The following DEUP1 variants were observed in gnomAD, a reference collection of about 807,000 sequenced individuals.
The protein encoded by DEUP1 is coiled-coil domain containing 67.
In DEUP1, 82 loss-of-function variants were observed where a neutral mutation model predicts 87.4. The observed-to-expected ratio is 0.94, with a 90% confidence interval of 0.78 to 1.13. The LOEUF (loss-of-function observed/expected upper bound fraction) is 1.13, where lower values mean the gene tolerates loss of function less well. Ranked by LOEUF, DEUP1 falls within the 50% of genes most tolerant of loss-of-function variation. The probability of loss-of-function intolerance (pLI) is 0.00; values close to 1 mark genes in which losing one functional copy is unlikely to be tolerated. For synonymous variants in DEUP1, 214 were observed against 222.7 expected (o/e 0.96, Z 0.35); for missense variants, 663 against 681.5 (o/e 0.97, Z 0.30).
intron 7 of DEUP1, among the ~76,000 whole-genome samples, chr11:93,371,645 C>T (rs369791728): frequency 1.3e-5 from 2 of 152,224 alleles, no homozygotes; most frequent in African/African-American, 2.4e-5. Context: ...TACAGGAAAT[C>T]GTGAAGGGTT....
chr11:93,414,463 C>T (rs538471852), intron 12 of DEUP1, among the ~76,000 whole-genome samples: 35 of 152,022 alleles, frequency 2.3e-4, no homozygotes, highest in Admixed American at 1.7e-3. Context: ...GCTGCGATCG[C>T]GCCACTGCAC....
At position 93,355,361 on chromosome 11, in the gene DEUP1, C is replaced by A. The variant is rs1379301741; in HGVS notation, c.30-10C>A. The A allele has an allele frequency of 6.2e-7, 1 of 1,610,976 alleles. No homozygotes were observed. Among genetic ancestry groups the A allele is most frequent in the South Asian group, 1.1e-5 (1 of 90,584 alleles). ...CTTTAAAATGTATTTTACTTTCCTA[C>A]AATTGCCAGAACTTCTCCTTGTGAG... On this transcript the variant is annotated splice_polypyrimidine_tract_variant and intron_variant, in intron 2 of 13. Coordinates refer to ENST00000298050, the MANE Select transcript of DEUP1 (RefSeq NM_181645.4).
intron 12 of DEUP1, among the ~76,000 whole-genome samples, chr11:93,409,630 A>G (rs1361642527): frequency 1.3e-5 from 2 of 152,214 alleles, no homozygotes; most frequent in South Asian, 4.1e-4. Context: ...CTTCATTGCA[A>G]CATTTGCTCA....
At chr11:93,407,795 A>C (rs201937636) in intron 11 of DEUP1, among the ~76,000 whole-genome samples, 2 of 151,910 alleles carry the variant, frequency 1.3e-5, no homozygotes, top group Non-Finnish European at 2.9e-5. Context: ...CTATGAACAC[A>C]AAAAAACTTG....
At chr11:93,362,502 C>T (rs1321507054) in intron 4 of DEUP1, among the ~76,000 whole-genome samples, 1 of 151,800 alleles carries the variant, frequency 6.6e-6, no homozygotes, top group Non-Finnish European at 1.5e-5. Context: ...ACCAAAACCA[C>T]AATATCCATT....
At chr11:93,370,466 A>C (rs1459158418) in intron 6 of DEUP1, among the ~76,000 whole-genome samples, 1 of 152,200 alleles carries the variant, frequency 6.6e-6, no homozygotes, top group African/African-American at 2.4e-5. Context: ...AGAATTTACG[A>C]TTGCTTGCTT....
intron 7 of DEUP1, among the ~76,000 whole-genome samples, chr11:93,382,472 G>C (rs1565322986): frequency 6.6e-6 from 1 of 152,018 alleles, no homozygotes; most frequent in Admixed American, 6.6e-5. Flanking sequence ...CTTTTTTCCT[G>C]TCAATGGTGT....
chr11:93,346,047 G>A (rs947961466), intron 2 of DEUP1, among the ~76,000 whole-genome samples: 2 of 151,786 alleles, frequency 1.3e-5, no homozygotes, highest in Non-Finnish European at 3.0e-5. Flanking sequence ...GTGTAAGGAA[G>A]GGATCCAGTT....
rs146950670 is a variant in DEUP1, at chr11:93,403,238, A to T, written c.1327-4993A>T. Among the ~76,000 whole-genome samples the T allele has an allele frequency of 2.0e-5, 3 of 152,052 alleles. No individual in the cohort carries two copies. In the East Asian group the frequency reaches 5.8e-4, roughly 29 times the overall value. On this transcript the variant is annotated intron_variant, in intron 11 of 13. Transcript: ENST00000298050. Reference sequence around the variant, plus strand: ...TATACTATATTTATAATATAAATTGAGAACTTTATGAGTTGTTTAGAATAG... The same window carrying T: ...TATACTATATTTATAATATAAATTGTGAACTTTATGAGTTGTTTAGAATAG...
intron 7 of DEUP1, among the ~76,000 whole-genome samples, chr11:93,374,480 T>C (rs1354488477): frequency 1.3e-5 from 2 of 152,222 alleles, no homozygotes; most frequent in African/African-American, 4.8e-5. Flanking sequence ...AGGATCCAGC[T>C]TCATTCTTCT....
chr11:93,412,517 T>G (rs1947466384), intron 12 of DEUP1, among the ~76,000 whole-genome samples: 1 of 152,194 alleles, frequency 6.6e-6, no homozygotes, highest in South Asian at 2.1e-4. Context: ...GTCTCTACAT[T>G]TTATTGATCT....
intron 5 of DEUP1, among the ~76,000 whole-genome samples, chr11:93,366,161 C>T (rs1000602418): frequency 4.0e-5 from 6 of 151,886 alleles, no homozygotes; most frequent in Non-Finnish European, 8.8e-5. Context: ...TTAAAATATA[C>T]CAACAAAAAA....
chr11:93,330,627 T>C (rs1159298825), upstream of DEUP1: 3 of 152,436 alleles, frequency 2.0e-5, no homozygotes, highest in African/African-American at 4.8e-5. Flanking sequence ...AACTGCCTCG[T>C]TGGTCGCGCG....
intron 7 of DEUP1, among the ~76,000 whole-genome samples, chr11:93,377,867 A>G (rs1946114068): frequency 1.3e-5 from 2 of 152,092 alleles, no homozygotes; most frequent in African/African-American, 4.8e-5. Context: ...TATGAAGCTT[A>G]GTTTCACTGG....
At chr11:93,401,785 T>A (rs570829516) in intron 11 of DEUP1, among the ~76,000 whole-genome samples, 1 of 152,110 alleles carries the variant, frequency 6.6e-6, no homozygotes, top group South Asian at 2.1e-4. Flanking sequence ...TAAATGGTGC[T>A]GGGAAAACTG....
At chr11:93,354,994 T>C (rs1445635983) in intron 2 of DEUP1, among the ~76,000 whole-genome samples, 1 of 152,186 alleles carries the variant, frequency 6.6e-6, no homozygotes, top group African/African-American at 2.4e-5. Flanking sequence ...CTTCTGTCCT[T>C]AACAGACAGG....
chr11:93,359,060 G>A (rs1392637209), intron 4 of DEUP1, among the ~76,000 whole-genome samples: 2 of 152,172 alleles, frequency 1.3e-5, no homozygotes, highest in African/African-American at 4.8e-5. Flanking sequence ...AAAAGAGAAG[G>A]AAGGAGGAAA....
In DEUP1 at chr11:93,362,831, G is replaced by A. The variant is rs572858841; in HGVS notation, c.298-1329G>A. Among the ~76,000 whole-genome samples, 6 of 151,944 alleles carry A rather than the reference G, an allele frequency of 3.9e-5. No homozygotes were observed. The South Asian group carries it at 1.2e-3, about 32-fold the overall frequency. On this transcript the variant is annotated intron_variant, in intron 4 of 13. Coordinates refer to ENST00000298050, the MANE Select transcript of DEUP1 (RefSeq NM_181645.4). Reference sequence around the variant, plus strand: ...CAGTTGATGAATGGATAAACAAAATGTAGTGTATTTATGCAATGGAATATT... The same window carrying A: ...CAGTTGATGAATGGATAAACAAAATATAGTGTATTTATGCAATGGAATATT...
At chr11:93,369,996 A>C (rs1461021135) in intron 5 of DEUP1, 77 bp from the exon 6 acceptor site, 2 of 715,766 alleles carry the variant, frequency 2.8e-6, no homozygotes, top group African/African-American at 3.7e-5. Context: ...AAGATGTACA[A>C]ATGAAAGAAG....
Sources: allele counts gnomAD v4.1 joint callset (sites outside exome capture counted in the v4.1 genomes callset), GRCh38; gene constraint gnomAD v4.1.1; transcripts MANE v1.5; gene names NCBI Gene and HGNC (gene_info 2026-07-23, HGNC 2026-07-21).